Variants in ICAM1 observed in about 807,000 individuals in gnomAD.
ICAM1 encodes the protein intercellular adhesion molecule 1.
In ICAM1, 28 loss-of-function variants were observed where a neutral mutation model predicts 42.3. The observed-to-expected ratio is 0.66, with a 90% CI of 0.49 to 0.91. The LOEUF (loss-of-function observed/expected upper bound fraction) is 0.91. Among genes scored for constraint, ICAM1 ranks in the 40% least tolerant of loss-of-function variants. The pLI, the probability that ICAM1 is intolerant of heterozygous loss-of-function variation, is 0.00. For synonymous variants in ICAM1, 304 were observed against 305.9 expected (o/e 0.99, Z 0.07); for missense variants, 637 against 688.6 (o/e 0.93, Z 0.84).
At chr19:10,274,678 C>A in intron 1 of ICAM1, 87 bp from the exon 2 acceptor site, 4 of 1,442,278 alleles carry the variant, frequency 2.8e-6, no homozygotes, top group Non-Finnish European at 3.8e-6. Flanking sequence ...TAAGGCTGTG[C>A]CTCCAGCACC....
At chr19:10,275,579 C>A (rs909964006) in intron 2 of ICAM1, among the ~76,000 whole-genome samples, 2 of 152,062 alleles carry the variant, frequency 1.3e-5, no homozygotes, top group Non-Finnish European at 2.9e-5. Flanking sequence ...ATAAAAGATG[C>A]AAATTAAGCC....
At position 10,284,593 on chromosome 19, in the gene ICAM1, T is replaced by G; in HGVS notation, c.1116T>G (p.Ser372=). ...PEDNGRSFSC[S]ATLEVAGQLI... is the part of the protein sequence containing the mutation. ...ACAACGGGCGCAGCTTCTCCTGCTC[T>G]GCAACCCTGGAGGTGGCCGGCCAGC... The change falls in exon 5 of 7, where the codon TCT becomes TCG. Residue 372 remains serine (S), a synonymous_variant. Coordinates refer to ENST00000264832, the MANE Select transcript of ICAM1 (RefSeq NM_000201.3). The surrounding 1 kb of genome is among the most constrained non-coding windows in gnomAD (Gnocchi z 5.4). 6.2e-7 allele frequency: 1 copy of G among 1,614,184 alleles called. No homozygotes were observed. The highest frequency in any genetic ancestry group is 8.5e-7 in the Non-Finnish European group (1 of 1,180,026).
In ICAM1 at chr19:10,280,805, A is replaced by G. The variant is rs527438642; in HGVS notation, c.332-2676A>G. Among the ~76,000 whole-genome samples the G allele has an allele frequency of 7.0e-4, 104 of 149,260 alleles. 1 individual carries two copies. The highest frequency in any genetic ancestry group is 2.0e-3 in the African/African-American group (83 of 40,632). On this transcript the variant is annotated intron_variant, in intron 2 of 6. Coordinates refer to ENST00000264832, the MANE Select transcript of ICAM1 (RefSeq NM_000201.3). ...GCTGGTCTCGAACTCCCAACCTCAG[A>G]TGATCCACCTGCCTCGGCCTCCCAA... is the stretch of plus-strand genomic sequence containing the variant.
At chr19:10,275,515 CT>C (rs2040009886) in intron 2 of ICAM1, among the ~76,000 whole-genome samples, 1 of 151,958 alleles carries the variant, frequency 6.6e-6, no homozygotes, top group African/African-American at 2.4e-5. Flanking sequence ...AAAATGCCAT[CT>C]CTCTATGCCT....
intron 1 of ICAM1, among the ~76,000 whole-genome samples, chr19:10,273,727 CAT>C (rs2145488414): frequency 6.6e-6 from 1 of 150,460 alleles, no homozygotes; most frequent in African/African-American, 2.4e-5. Context: ...ATAAAGAACA[CAT>C]GTGGCTGGGC....
Position 10,284,850 on chromosome 19 carries a change from T to A in ICAM1, c.1248T>A (p.Thr416=). The A allele has an allele frequency of 6.3e-7, 1 of 1,595,274 alleles. No homozygotes were observed. The highest frequency in any genetic ancestry group is 8.5e-7 in the Non-Finnish European group (1 of 1,174,688). The change falls in exon 6 of 7, where the codon ACT becomes ACA. Residue 416 remains threonine, a synonymous_variant. Transcript: ENST00000264832. The surrounding 1 kb of genome is among the most constrained non-coding windows in gnomAD (Gnocchi z 5.4). ...NWTWPENSQQ[T]PMCQAWGNPL... is the part of the protein sequence containing the mutation. ...CGTGGCCAGAAAATTCCCAGCAGAC[T>A]CCAATGTGCCAGGCTTGGGGGAACC...
intron 2 of ICAM1, among the ~76,000 whole-genome samples, chr19:10,276,975 CAAAAAAAAA>C (rs536596915): frequency 5.0e-5 from 4 of 79,324 alleles, no homozygotes; most frequent in African/African-American, 2.2e-4. Flanking sequence ...AACTCCATCT[CAAAAAAAAA>C]AAAAAAAGAA....
chr19:10,283,274 A>G, intron 2 of ICAM1: 1 of 507,548 alleles, frequency 2.0e-6, no homozygotes, highest in Non-Finnish European at 3.5e-6. Flanking sequence ...GCTGTCATGA[A>G]TAAGGAATAT....
chr19:10,275,016 C>G lies in ICAM1; in HGVS notation c.319C>G (p.Leu107Val), dbSNP rs765263284. The G allele has an allele frequency of 6.2e-7, 1 of 1,613,738 alleles. No homozygotes were observed. ...PDGQSTAKTF[L>V]TVYWTPERVE... ...TGGGCAGTCAACAGCTAAAACCTTCCTCACCGTGTACTGTGAGTAACTGAG... is the reference window on the plus strand; with the variant it reads ...TGGGCAGTCAACAGCTAAAACCTTCGTCACCGTGTACTGTGAGTAACTGAG... Residue 107 changes from leucine (L) to valine (V), a missense_variant, in exon 2 of 7, where the codon CTC becomes GTC. Coordinates refer to ENST00000264832, the MANE Select transcript of ICAM1 (RefSeq NM_000201.3).
rs34918248 is a variant in ICAM1, at chr19:10,285,050, G to A, written c.1426+22G>A. 5,232 of 1,613,398 alleles carry A rather than the reference G, an allele frequency of 3.2e-3. 146 individuals are homozygous for A. The African/African-American group carries it at 0.062, about 19-fold the overall frequency. ...CTCTGTGAGTGAGCCGGCGGGCAGAGCTGGGTGGGGGCAGGGGCCATGGAC... is the reference window on the plus strand; with the variant it reads ...CTCTGTGAGTGAGCCGGCGGGCAGAACTGGGTGGGGGCAGGGGCCATGGAC... On this transcript the variant is annotated intron_variant, in intron 6 of 6. Coordinates refer to ENST00000264832, the MANE Select transcript of ICAM1 (RefSeq NM_000201.3).
At position 10,284,119 on chromosome 19, in the gene ICAM1, C is replaced by G. The variant is rs1005199205; in HGVS notation, c.724C>G (p.Leu242Val). Reference sequence around the variant, plus strand: ...GACCGTGGTCTGTTCCCTGGACGGGCTGTTCCCAGTCTCGGAGGCCCAGGT... The same window carrying G: ...GACCGTGGTCTGTTCCCTGGACGGGGTGTTCCCAGTCTCGGAGGCCCAGGT... ...QGTVVCSLDG[L>V]FPVSEAQVHL... is the part of the protein sequence containing the mutation. Residue 242 changes from leucine (L) to valine (V), a missense_variant, in exon 4 of 7, where the codon CTG (leucine) becomes GTG (valine). Leu to Val is a conservative substitution (Grantham distance 32). Coordinates refer to ENST00000264832, the MANE Select transcript of ICAM1 (RefSeq NM_000201.3). This position sits in a 1 kb window ranked among gnomAD's most constrained non-coding sequence, Gnocchi z 5.4. 3.1e-6 allele frequency: 5 copies of G among 1,614,000 alleles called. No homozygotes were observed. The Admixed American group carries it at 8.3e-5, about 27-fold the overall frequency.
intron 2 of ICAM1, among the ~76,000 whole-genome samples, chr19:10,280,451 G>A (rs2040048205): frequency 6.6e-6 from 1 of 151,974 alleles, no homozygotes; most frequent in African/African-American, 2.4e-5. Context: ...GTAGCTGACT[G>A]CAGCCTCAAA....
At chr19:10,274,368 G>C (rs1568291778) in intron 1 of ICAM1, among the ~76,000 whole-genome samples, 1 of 147,240 alleles carries the variant, frequency 6.8e-6, no homozygotes, top group Non-Finnish European at 1.5e-5. Context: ...AGGCTGGAGT[G>C]CAGTGGCACA....
intron 2 of ICAM1, among the ~76,000 whole-genome samples, chr19:10,282,502 C>G (rs1336515510): frequency 4.6e-5 from 7 of 152,136 alleles, no homozygotes; most frequent in African/African-American, 1.7e-4. Flanking sequence ...CCTCCTTGGC[C>G]TCCCAAAGTG....
Position 10,284,378 on chromosome 19 carries a change from G to A in ICAM1, c.926-25G>A, listed in dbSNP as rs41360047. 53 of 1,611,936 alleles carry A rather than the reference G, an allele frequency of 3.3e-5. No homozygotes were observed. The highest frequency in any genetic ancestry group is 5.0e-5 in the Admixed American group (3 of 60,024). ...TGGGGGTGTGACCTGAACCCGGGGC[G>A]GGGCTCACTGTGTGCCTATTCCAGG... On this transcript the variant is annotated intron_variant, in intron 4 of 6. Coordinates refer to ENST00000264832, the MANE Select transcript of ICAM1 (RefSeq NM_000201.3). This position sits in a 1 kb window ranked among gnomAD's most constrained non-coding sequence, Gnocchi z 5.4.
rs753734473 is a variant in ICAM1, at chr19:10,284,700, C to T, written c.1180+43C>T. 2 of 1,612,626 alleles carry T rather than the reference C, an allele frequency of 1.2e-6. No individual in the cohort carries two copies. The highest frequency in any genetic ancestry group is 1.7e-6 in the Non-Finnish European group (2 of 1,179,442). On this transcript the variant is annotated intron_variant, in intron 5 of 6. Coordinates refer to ENST00000264832, the MANE Select transcript of ICAM1 (RefSeq NM_000201.3). This position sits in a 1 kb window ranked among gnomAD's most constrained non-coding sequence, Gnocchi z 5.4. ...TCAATGGCCCCTATCCCCCAAGGCCCAATCTCCCTGAAGGTCCCATAAGGT... is the reference window on the plus strand; with the variant it reads ...TCAATGGCCCCTATCCCCCAAGGCCTAATCTCCCTGAAGGTCCCATAAGGT...
At position 10,283,648 on chromosome 19, in the gene ICAM1, G is replaced by A. The variant is rs769975581; in HGVS notation, c.499G>A (p.Ala167Thr). The change falls in exon 3 of 7, where the codon GCT becomes ACT. Residue 167 changes from alanine to threonine, a missense_variant. Ala to Thr is a moderately conservative substitution (Grantham distance 58). Transcript: ENST00000264832. ...LKREPAVGEP[A>T]EVTTTVLVRR... ...ACGGGAGCCAGCTGTGGGGGAGCCC[G>A]CTGAGGTCACGACCACGGTGCTGGT... 12 of 1,613,710 alleles carry A rather than the reference G, an allele frequency of 7.4e-6. No individual in the cohort carries two copies. Among genetic ancestry groups the A allele is most frequent in the African/African-American group, 5.3e-5 (4 of 74,924 alleles).
chr19:10,275,093 T>C, intron 2 of ICAM1, 65 bp downstream of exon 2: 1 of 1,531,280 alleles, frequency 6.5e-7, no homozygotes, highest in Non-Finnish European at 8.9e-7. Context: ...CAGGGGCACC[T>C]GCAGAGGCCT....
chr19:10,274,683 A>G, intron 1 of ICAM1, 82 bp from the exon 2 acceptor site: 6 of 1,472,006 alleles, frequency 4.1e-6, no homozygotes, highest in South Asian at 1.2e-5. Context: ...CTGTGCCTCC[A>G]GCACCCAGCA....
Sources: gnomAD v4.1 joint callset for allele counts (sites outside exome capture counted in the v4.1 genomes callset) on GRCh38, gnomAD v4.1.1 for gene constraint, Gnocchi (gnomAD v3.1) non-coding constraint, MANE v1.5 for transcripts, NCBI Gene and HGNC (gene_info 2026-07-23, HGNC 2026-07-21) for gene names.